Variants in GNG4 observed in about 807,000 individuals in gnomAD.
GNG4 encodes G protein subunit gamma 4.
In GNG4, 4 loss-of-function variants were observed where a neutral mutation model predicts 5.8. The observed-to-expected ratio is 0.69, with a 90% CI of 0.34 to 1.57. The LOEUF is 1.57. Ranked by LOEUF, GNG4 falls within the 40% of genes most tolerant of loss-of-function variation. The pLI is 0.06. For missense variants in GNG4, 96 were observed against 95.1 expected, an observed-to-expected ratio of 1.01 and a Z score of -0.04; for synonymous variants, 29 against 32.9, an observed-to-expected ratio of 0.88 and a Z score of 0.41.
At chr1:235,591,974 C>T (rs1687974529) in intron 2 of GNG4, among the ~76,000 whole-genome samples, 2 of 152,124 alleles carry the variant, frequency 1.3e-5, no homozygotes, top group African/African-American at 2.4e-5. Flanking sequence ...CAAGTTAGCC[C>T]TGAGAAGTAA....
intron 1 of GNG4, among the ~76,000 whole-genome samples, chr1:235,598,444 A>C (rs1688179172): frequency 6.6e-6 from 1 of 152,082 alleles, no homozygotes; most frequent in Non-Finnish European, 1.5e-5. Context: ...CCCCATCTCT[A>C]CAAAAAATTT....
At chr1:235,636,699 C>T (rs1232074433) in intron 1 of GNG4, among the ~76,000 whole-genome samples, 1 of 152,158 alleles carries the variant, frequency 6.6e-6, no homozygotes, top group Admixed American at 6.5e-5. Context: ...GATGAACCCC[C>T]AAAGCAGGGT....
At chr1:235,585,553 A>G (rs1687740381) in intron 2 of GNG4, among the ~76,000 whole-genome samples, 1 of 152,162 alleles carries the variant, frequency 6.6e-6, no homozygotes, top group South Asian at 2.1e-4. Context: ...TTGTTTTTAT[A>G]TTTAGCAATA....
Position 235,552,449 on chromosome 1 carries a change from C to G in GNG4, c.100-212G>C, listed in dbSNP as rs539140092. Among the ~76,000 whole-genome samples the G allele has an allele frequency of 1.2e-4, 18 of 152,274 alleles. No individual in the cohort carries two copies. In the South Asian group the frequency reaches 3.3e-3, roughly 28 times the overall value. On this transcript the variant is annotated intron_variant, in intron 3 of 3. Transcript: ENST00000391854. ...GCCTCCAAGAAGGGGAGGCTGCCCT[C>G]GCATGGCAGGCCAGCATGGAGACAG...
intron 2 of GNG4, among the ~76,000 whole-genome samples, chr1:235,587,171 G>T (rs1687779581): frequency 6.7e-6 from 1 of 148,278 alleles, no homozygotes; most frequent in African/African-American, 2.6e-5. Flanking sequence ...GAGCGTGTGA[G>T]AGTGTGTGGG....
At chr1:235,628,475 G>C (rs1022679204) in intron 1 of GNG4, among the ~76,000 whole-genome samples, 2 of 152,092 alleles carry the variant, frequency 1.3e-5, no homozygotes, top group East Asian at 3.9e-4. Flanking sequence ...AAGCGGAGGA[G>C]GTCATGGGCA....
At chr1:235,555,544 T>A in intron 3 of GNG4, among the ~76,000 whole-genome samples, 1 of 152,006 alleles carries the variant, frequency 6.6e-6, no homozygotes, top group Admixed American at 6.6e-5. Context: ...CCAGGCATGA[T>A]AGTGCACACC....
At chr1:235,586,770 T>G (rs1383038400) in intron 2 of GNG4, among the ~76,000 whole-genome samples, 1 of 152,226 alleles carries the variant, frequency 6.6e-6, no homozygotes, top group Non-Finnish European at 1.5e-5. Flanking sequence ...GGAAGCTTCC[T>G]GAGGCCTCAC....
At chr1:235,645,627 G>T (rs142360189) in intron 1 of GNG4, among the ~76,000 whole-genome samples, 1 of 151,778 alleles carries the variant, frequency 6.6e-6, no homozygotes, top group Admixed American at 6.6e-5. Flanking sequence ...GAGAAACCCC[G>T]TCTCTACTAA....
At chr1:235,575,318 T>A (rs1687450932) in intron 3 of GNG4, among the ~76,000 whole-genome samples, 1 of 152,244 alleles carries the variant, frequency 6.6e-6, no homozygotes, top group Admixed American at 6.5e-5. Flanking sequence ...GAAAATGTCG[T>A]AAGTTGAACT....
At position 235,569,450 on chromosome 1, in the gene GNG4, C is replaced by T. The variant is rs575526022; in HGVS notation, c.99+14290G>A. On this transcript the variant is annotated intron_variant, in intron 3 of 3. Coordinates refer to ENST00000391854, the MANE Select transcript of GNG4 (RefSeq NM_001098722.2). ...TCCAGCCTGGGTGACAGAGGGAGAC[C>T]GTGTCTCAAAAAAAAAAAAAGAATG... Among the ~76,000 whole-genome samples, 68 of 98,524 alleles carry T rather than the reference C, an allele frequency of 6.9e-4. No individual in the cohort carries two copies. The East Asian group carries it at 0.024, about 34-fold the overall frequency. The allele number at this position is 98,524 out of a possible 152,430, so 64.6% of individuals were successfully genotyped here. A position where few individuals can be genotyped will look rare whatever the true frequency, so the allele number is the denominator to read the frequency against.
chr1:235,598,095 C>G (rs1326933604), intron 1 of GNG4, among the ~76,000 whole-genome samples: 1 of 152,128 alleles, frequency 6.6e-6, no homozygotes, highest in Non-Finnish European at 1.5e-5. Flanking sequence ...CACTCCCCAG[C>G]CCACTGTGGG....
intron 1 of GNG4, among the ~76,000 whole-genome samples, chr1:235,619,192 T>TATATAC (rs10676806): frequency 7.7e-6 from 1 of 129,632 alleles, no homozygotes; most frequent in African/African-American, 2.9e-5. Context: ...CACATATATA[T>TATATAC]ACACACACAC....
intron 1 of GNG4, among the ~76,000 whole-genome samples, chr1:235,606,886 A>G (rs900203029): frequency 3.3e-5 from 5 of 149,980 alleles, no homozygotes; most frequent in Admixed American, 6.6e-5. Flanking sequence ...CCGCATGCTC[A>G]CTTCTCCAGT....
chr1:235,630,061 G>C (rs1478853084), intron 1 of GNG4, among the ~76,000 whole-genome samples: 1 of 152,174 alleles, frequency 6.6e-6, no homozygotes, highest in African/African-American at 2.4e-5. Context: ...TTTGTACAAT[G>C]ATGTTATGAG....
chr1:235,587,326 A>AGGGT (rs1203153927), intron 2 of GNG4, among the ~76,000 whole-genome samples: 3 of 20,544 alleles, frequency 1.5e-4, no homozygotes, highest in African/African-American at 1.5e-3. Context: ...TGTGTGTGTG[A>AGGGT]GAGTGTGAGA....
intron 3 of GNG4, among the ~76,000 whole-genome samples, chr1:235,581,391 T>C (rs2841890): frequency 0.74 from 111,535 of 151,580 alleles, 42,483 homozygotes; most frequent in African/African-American, 0.93. Flanking sequence ...TAGCCGGGCG[T>C]GGTGGTGGGC....
At chr1:235,618,637 T>C (rs1028748010) in intron 1 of GNG4, among the ~76,000 whole-genome samples, 1 of 151,758 alleles carries the variant, frequency 6.6e-6, no homozygotes, top group Non-Finnish European at 1.5e-5. Context: ...TTCATTGCCA[T>C]TGCCTAAATT....
intron 1 of GNG4, among the ~76,000 whole-genome samples, chr1:235,632,541 G>A (rs1007287454): frequency 1.3e-5 from 2 of 152,212 alleles, no homozygotes; most frequent in Non-Finnish European, 2.9e-5. Context: ...TCAGACAGGA[G>A]GAGTGGATGA....
Sources: allele counts gnomAD v4.1 joint callset (sites outside exome capture counted in the v4.1 genomes callset), GRCh38; gene constraint gnomAD v4.1.1; transcripts MANE v1.5; gene names NCBI Gene and HGNC (gene_info 2026-07-23, HGNC 2026-07-21).